ZNF541: variants seen among roughly 807,000 people sequenced by gnomAD.
The protein encoded by ZNF541 is zinc finger protein 541.
In ZNF541, 23 loss-of-function variants were observed where a neutral mutation model predicts 123.5. That is an observed-to-expected ratio of 0.19 (90% confidence interval 0.13 to 0.26). The LOEUF (loss-of-function observed/expected upper bound fraction) is 0.26. Ranked by LOEUF, ZNF541 falls within the 10% of genes least tolerant of loss-of-function variation. The pLI is 1.00. For synonymous variants in ZNF541, 751 were observed against 754.5 expected (o/e 1.00, Z 0.08); for missense variants, 1,612 against 1,789.9 (o/e 0.90, Z 1.79).
chr19:47,529,158 T>G, intron 13 of ZNF541, 120 bp from the exon 14 acceptor site: 1 of 756,832 alleles, frequency 1.3e-6, no homozygotes, highest in Non-Finnish European at 2.1e-6. Flanking sequence ...TATGTGCCAA[T>G]CTCATAAAAA....
At position 47,549,363 on chromosome 19, in the gene ZNF541, G is replaced by A. The variant is rs1192161833; in HGVS notation, c.430C>T (p.Leu144=). 1 of 1,551,630 alleles carries A rather than the reference G, an allele frequency of 6.4e-7. No individual in the cohort carries two copies. Among genetic ancestry groups the A allele is most frequent in the African/African-American group, 1.4e-5 (1 of 73,034 alleles). ...GCGCTGCTGAACACCTTCCCGCACA[G>A]GCTGCAGTCCAGAAGTGGGTTTTGA... ...SPQNPLLDCS[L]CGKVFSSASS... is the part of the protein sequence containing the mutation. Residue 144 remains leucine, a synonymous_variant, in exon 4 of 17, where the codon CTG becomes TTG. Coordinates refer to ENST00000391901, the MANE Select transcript of ZNF541 (RefSeq NM_001277075.3).
At chr19:47,526,323 A>AATAC (rs1283580568) in intron 14 of ZNF541, among the ~76,000 whole-genome samples, 6 of 151,996 alleles carry the variant, frequency 3.9e-5, no homozygotes. Context: ...CCCTACTAAA[A>AATAC]ATACAAAAAT....
At chr19:47,547,078 T>C (rs528433230) in intron 4 of ZNF541, among the ~76,000 whole-genome samples, 2 of 152,300 alleles carry the variant, frequency 1.3e-5, no homozygotes, top group South Asian at 4.1e-4. Flanking sequence ...TCAGTGTCTC[T>C]CAAACTTATT....
intron 2 of ZNF541, among the ~76,000 whole-genome samples, chr19:47,569,499 C>T (rs1971396444): frequency 6.6e-6 from 1 of 152,074 alleles, no homozygotes. Context: ...CTCCACTATG[C>T]TTTTATCACA....
chr19:47,558,966 G>T (rs1970949902), intron 2 of ZNF541, among the ~76,000 whole-genome samples: 2 of 151,626 alleles, frequency 1.3e-5, no homozygotes, highest in Non-Finnish European at 2.9e-5. Flanking sequence ...GGCTGGTCTT[G>T]AACTTCTGAC....
chr19:47,538,496 T>G, intron 8 of ZNF541, 57 bp from the exon 9 acceptor site: 1 of 1,416,650 alleles, frequency 7.1e-7, no homozygotes, highest in Non-Finnish European at 9.3e-7. Flanking sequence ...CACCACTCCA[T>G]CTCCAGGATG....
At chr19:47,543,050 G>A (rs1012957382) in intron 5 of ZNF541, among the ~76,000 whole-genome samples, 1 of 150,782 alleles carries the variant, frequency 6.6e-6, no homozygotes, top group African/African-American at 2.4e-5. Context: ...CGAGATGAGA[G>A]GATTGCTTGA....
chr19:47,546,249 T>TTTGGGAG (rs2123169411), intron 4 of ZNF541, among the ~76,000 whole-genome samples: 1 of 149,226 alleles, frequency 6.7e-6, no homozygotes, highest in South Asian at 2.1e-4. Flanking sequence ...GGCTCATGCC[T>TTTGGGAG]GTAATCCCAG....
At chr19:47,554,188 C>T (rs1173006804) in intron 3 of ZNF541, among the ~76,000 whole-genome samples, 1 of 152,194 alleles carries the variant, frequency 6.6e-6, no homozygotes, top group African/African-American at 2.4e-5. Flanking sequence ...ATCCCAAGCA[C>T]TTTGGAAGGC....
intron 10 of ZNF541, among the ~76,000 whole-genome samples, 200 bp downstream of exon 10, chr19:47,532,709 C>CAT (rs34750623): frequency 0.011 from 1,724 of 150,060 alleles, 20 homozygotes; most frequent in African/African-American, 0.036. Flanking sequence ...GGGGGATTTT[C>CAT]ATATATATAT....
chr19:47,563,409 C>T (rs888449203), intron 2 of ZNF541, among the ~76,000 whole-genome samples: 4 of 152,070 alleles, frequency 2.6e-5, no homozygotes, highest in Admixed American at 6.6e-5. Context: ...AGATGATATT[C>T]GAGATGCCTC....
In ZNF541 at chr19:47,544,553, G is replaced by C. The variant is rs1204148644; in HGVS notation, c.1976C>G (p.Pro659Arg). ...GGLKVAAVPT[P>R]LAAPSLDPSR... is the part of the protein sequence containing the mutation. ...AGGGTCCAGAGACGGTGCTGCAAGG[G>C]GCGTTGGAACCGCGGCCACTTTCAG... The change falls in exon 5 of 17, where the codon CCC (proline) becomes CGC (arginine). Residue 659 changes from proline to arginine, a missense_variant. By Grantham distance (103) the Pro-to-Arg change is moderately radical (BLOSUM62 -2). Coordinates refer to ENST00000391901, the MANE Select transcript of ZNF541 (RefSeq NM_001277075.3). The C allele has an allele frequency of 1.3e-6, 2 of 1,551,498 alleles. No individual in the cohort carries two copies. Among genetic ancestry groups the C allele is most frequent in the Non-Finnish European group, 1.7e-6 (2 of 1,146,994 alleles).
At position 47,544,311 on chromosome 19, in the gene ZNF541, C is replaced by T. The variant is rs781359614; in HGVS notation, c.2218G>A (p.Gly740Ser). The T allele has an allele frequency of 6.4e-7, 1 of 1,551,552 alleles. No homozygotes were observed. The highest frequency in any genetic ancestry group is 1.4e-5 in the African/African-American group (1 of 73,066). The part of the protein sequence containing the change: ...KGEKGPACSR[G>S]GGYRLLGNPR... ...TTGCCCAAGAGCCGGTAGCCTCCAC[C>T]CCGGGAGCAGGCTGGGCCCTTTTCA... Residue 740 changes from glycine (G) to serine (S), a missense_variant, in exon 5 of 17, where the codon GGT (glycine) becomes AGT (serine). This residue lies in a region of ZNF541 where 1,080 missense variants were observed against 1,013.8 expected (regional missense o/e 1.07). Coordinates refer to ENST00000391901, the MANE Select transcript of ZNF541 (RefSeq NM_001277075.3).
At chr19:47,559,099 A>C (rs183698668) in intron 2 of ZNF541, among the ~76,000 whole-genome samples, 17 of 150,184 alleles carry the variant, frequency 1.1e-4, no homozygotes, top group African/African-American at 4.1e-4. Flanking sequence ...GGCCAGGCAC[A>C]GTGGCTCACG....
chr19:47,535,205 G>A (rs1343205011), intron 9 of ZNF541, among the ~76,000 whole-genome samples: 1 of 152,058 alleles, frequency 6.6e-6, no homozygotes, highest in Non-Finnish European at 1.5e-5. Flanking sequence ...CGCCTGCCTC[G>A]GCTTCCCAAA....
chr19:47,532,652 A>T (rs1487606320), intron 10 of ZNF541, among the ~76,000 whole-genome samples: 1 of 152,146 alleles, frequency 6.6e-6, no homozygotes. Context: ...GGTCCAGGGC[A>T]TTCTGTCCCC....
At chr19:47,563,451 A>T (rs1269234191) in intron 2 of ZNF541, among the ~76,000 whole-genome samples, 1 of 152,164 alleles carries the variant, frequency 6.6e-6, no homozygotes, top group Non-Finnish European at 1.5e-5. Context: ...GTTTCCAAAA[A>T]ATCAGGGAGA....
At chr19:47,561,561 C>A (rs1971063109) in intron 2 of ZNF541, among the ~76,000 whole-genome samples, 1 of 152,060 alleles carries the variant, frequency 6.6e-6, no homozygotes, top group Admixed American at 6.6e-5. Context: ...TTGGAAAGGA[C>A]CAGAGAAGGC....
At chr19:47,552,742 CAAAAAAAAAAAAAAAA>C (rs573248609) in intron 3 of ZNF541, among the ~76,000 whole-genome samples, 5 of 26,130 alleles carry the variant, frequency 1.9e-4, no homozygotes, top group Admixed American at 8.4e-4. Flanking sequence ...GACTCCATCT[CAAAAAAAAAAAAAAAA>C]AAAAAAAAAA....
Sources: gnomAD v4.1 joint callset for allele counts (sites outside exome capture counted in the v4.1 genomes callset) on GRCh38, gnomAD v4.1.1 for gene constraint, gnomAD v4.1.1 regional missense constraint, MANE v1.5 for transcripts, NCBI Gene and HGNC (gene_info 2026-07-23, HGNC 2026-07-21) for gene names.